Variants in TIAM1 observed in about 807,000 individuals in gnomAD.
The protein encoded by TIAM1 is TIAM Rac1 associated GEF 1.
Under a neutral mutation model 163.5 loss-of-function variants are expected in TIAM1, and 65 were observed. The observed-to-expected ratio is 0.40, with a 90% confidence interval of 0.33 to 0.49. The LOEUF (loss-of-function observed/expected upper bound fraction) is 0.49, where lower values mean the gene tolerates loss of function less well. Ranked by LOEUF, TIAM1 falls within the 20% of genes least tolerant of loss-of-function variation. TIAM1 has a pLI of 0.77. For missense variants in TIAM1, 1,789 were observed against 2,044.7 expected (o/e 0.87, Z 2.41); for synonymous variants, 833 against 810.1 (o/e 1.03, Z -0.48).
chr21:31,279,556 G>T (rs1256454182), intron 2 of TIAM1, among the ~76,000 whole-genome samples: 1 of 152,160 alleles, frequency 6.6e-6, no homozygotes, highest in East Asian at 1.9e-4. Flanking sequence ...TCTTGGCTTT[G>T]CAAGTCAAAT....
At chr21:31,322,699 G>C (rs2075356382) in intron 2 of TIAM1, among the ~76,000 whole-genome samples, 1 of 152,188 alleles carries the variant, frequency 6.6e-6, no homozygotes, top group South Asian at 2.1e-4. Flanking sequence ...GTGAAGCAGG[G>C]GCTGTGGCCC....
chr21:31,356,840 G>A (rs2076324152), intron 2 of TIAM1, among the ~76,000 whole-genome samples: 1 of 152,186 alleles, frequency 6.6e-6, no homozygotes, highest in Admixed American at 6.5e-5. Flanking sequence ...TTCCATCTGG[G>A]CGCAGTGGCT....
chr21:31,203,098 C>T, intron 11 of TIAM1, 86 bp from the exon 12 acceptor site: 1 of 1,065,624 alleles, frequency 9.4e-7, no homozygotes, highest in Non-Finnish European at 1.4e-6. Flanking sequence ...ACGATGTATT[C>T]CTATGACCAA....
intron 1 of TIAM1, among the ~76,000 whole-genome samples, chr21:31,545,084 T>C (rs2268239): frequency 0.11 from 17,200 of 152,216 alleles, 1,948 homozygotes; most frequent in East Asian, 0.64. Flanking sequence ...AACAGGGTCT[T>C]TGCAGATATA....
chr21:31,524,287 T>C (rs1652708690), intron 1 of TIAM1, among the ~76,000 whole-genome samples: 1 of 151,422 alleles, frequency 6.6e-6, no homozygotes, highest in South Asian at 2.1e-4. Context: ...GGGGTAGGAG[T>C]CTCACATGGC....
intron 2 of TIAM1, among the ~76,000 whole-genome samples, chr21:31,377,573 T>C (rs546807754): frequency 6.6e-6 from 1 of 152,188 alleles, no homozygotes; most frequent in Non-Finnish European, 1.5e-5. Context: ...CAGACACTGA[T>C]GCCAAGCCAA....
intron 1 of TIAM1, among the ~76,000 whole-genome samples, chr21:31,522,939 A>G (rs2147499731): frequency 6.6e-6 from 1 of 152,366 alleles, no homozygotes; most frequent in East Asian, 1.9e-4. Context: ...TGTCGTTTAA[A>G]TTTAGGAGCA....
At chr21:31,447,435 C>G (rs2044668560) in intron 2 of TIAM1, among the ~76,000 whole-genome samples, 1 of 150,126 alleles carries the variant, frequency 6.7e-6, no homozygotes, top group Admixed American at 6.6e-5. Context: ...GACTCTATCT[C>G]AAGAAGATTT....
In TIAM1 at chr21:31,553,482, G is replaced by A. The variant is rs575199978; in HGVS notation, c.-422+5445C>T. ...GAAGGTCATGGCAAGAATAAACCCC[G>A]TGGTTCTGAGCCTCTGAAAACACTG... is the stretch of plus-strand genomic sequence containing the variant. On this transcript the variant is annotated intron_variant, in intron 1 of 28. Transcript: ENST00000286827. 7.9e-5 allele frequency among the ~76,000 whole-genome samples: 12 copies of A among 152,288 alleles called. No individual in the cohort carries two copies. In the South Asian group the frequency reaches 1.0e-3, roughly 13 times the overall value.
intron 2 of TIAM1, among the ~76,000 whole-genome samples, chr21:31,440,052 GA>G (rs907092562): frequency 6.6e-6 from 1 of 152,010 alleles, no homozygotes; most frequent in African/African-American, 2.4e-5. Context: ...GTAAAACAGG[GA>G]AAAAATAGTA....
chr21:31,185,417 A>T (rs2085239709), intron 14 of TIAM1, among the ~76,000 whole-genome samples: 1 of 134,756 alleles, frequency 7.4e-6, no homozygotes, highest in Non-Finnish European at 1.5e-5. Context: ...ATTATATATA[A>T]TTATGTTATA....
At chr21:31,497,384 G>T (rs1181284305) in intron 1 of TIAM1, among the ~76,000 whole-genome samples, 1 of 152,136 alleles carries the variant, frequency 6.6e-6, no homozygotes, top group African/African-American at 2.4e-5. Context: ...ATACTGATAT[G>T]ATCTTTAAAA....
chr21:31,251,384 G>C (rs2071795167), intron 5 of TIAM1, among the ~76,000 whole-genome samples: 1 of 152,124 alleles, frequency 6.6e-6, no homozygotes, highest in Non-Finnish European at 1.5e-5. Flanking sequence ...TTATGAGCTG[G>C]TGTCTTGCTA....
At chr21:31,445,062 T>C (rs1287231388) in intron 2 of TIAM1, among the ~76,000 whole-genome samples, 1 of 151,936 alleles carries the variant, frequency 6.6e-6, no homozygotes, top group Non-Finnish European at 1.5e-5. Flanking sequence ...CAAAGACAAC[T>C]ACTGCTTTTG....
intron 2 of TIAM1, among the ~76,000 whole-genome samples, chr21:31,304,483 A>T (rs1047986419): frequency 1.3e-5 from 2 of 152,130 alleles, no homozygotes; most frequent in Non-Finnish European, 2.9e-5. Context: ...ACAGCCTCAA[A>T]ATTAGGGGCC....
rs71193103 is a variant in TIAM1 at position 31,353,835 on chromosome 21, C to CTTTTTTTTTTTTTTTTTTTTTTTT, written c.-368-14414_-368-14413insAAAAAAAAAAAAAAAAAAAAAAAA. 5.6e-5 allele frequency among the ~76,000 whole-genome samples: 4 copies of CTTTTTTTTTTTTTTTTTTTTTTTT among 71,236 alleles called. 1 individual carries two copies. The highest frequency in any genetic ancestry group is 9.8e-5 in the Non-Finnish European group (4 of 40,948). The allele number at this position is 71,236 out of a possible 152,430, so 46.7% of individuals were successfully genotyped here. A position where few individuals can be genotyped will look rare whatever the true frequency, so the allele number is the denominator to read the frequency against. On this transcript the variant is annotated intron_variant, in intron 2 of 28. Transcript: ENST00000286827. ...TGTTTTTATTTATTTATTTATTTAT[C>CTTTTTTTTTTTTTTTTTTTTTTTT]TTTTTTTTTTTTTTTTTTTTTGAGA...
At chr21:31,422,958 C>T (rs982394828) in intron 2 of TIAM1, among the ~76,000 whole-genome samples, 11 of 152,030 alleles carry the variant, frequency 7.2e-5, no homozygotes, top group Middle Eastern at 3.2e-3. Context: ...TGACATGGGG[C>T]GCTCCCTACA....
At chr21:31,368,380 T>C (rs1379641750) in intron 2 of TIAM1, among the ~76,000 whole-genome samples, 4 of 152,210 alleles carry the variant, frequency 2.6e-5, no homozygotes, top group South Asian at 2.1e-4. Context: ...TGCAATTTGT[T>C]ACTGTTTGTA....
At chr21:31,367,423 T>A (rs1314573936) in intron 2 of TIAM1, among the ~76,000 whole-genome samples, 1 of 152,168 alleles carries the variant, frequency 6.6e-6, no homozygotes, top group Non-Finnish European at 1.5e-5. Context: ...ATAACCTCAT[T>A]CTGTACATTT....
Sources: allele counts gnomAD v4.1 joint callset (sites outside exome capture counted in the v4.1 genomes callset), GRCh38; gene constraint gnomAD v4.1.1; transcripts MANE v1.5; gene names NCBI Gene and HGNC (gene_info 2026-07-23, HGNC 2026-07-21).